DOCK10: variants seen among roughly 807,000 people sequenced by gnomAD.
The protein encoded by DOCK10 is dedicator of cytokinesis protein 10.
Under a neutral mutation model 280.1 loss-of-function variants are expected in DOCK10, and 145 were observed. The observed-to-expected ratio is 0.52, with a 90% CI of 0.45 to 0.59. The LOEUF is 0.59. Ranked by LOEUF, DOCK10 falls within the 20% of genes least tolerant of loss-of-function variation. The probability of loss-of-function intolerance (pLI) is 0.00; values close to 1 mark genes in which losing one functional copy is unlikely to be tolerated. For missense variants in DOCK10, 2,368 were observed against 2,651.7 expected (o/e 0.89, Z 2.35); for synonymous variants, 915 against 942.2 (o/e 0.97, Z 0.53).
chr2:224,964,227 A>C (rs1704604694), intron 1 of DOCK10, among the ~76,000 whole-genome samples: 1 of 152,166 alleles, frequency 6.6e-6, no homozygotes, highest in South Asian at 2.1e-4. Context: ...ACTACAAATA[A>C]TAAGCTGCTG....
At chr2:224,842,809 G>A (rs969117225) in intron 22 of DOCK10, among the ~76,000 whole-genome samples, 12 of 152,168 alleles carry the variant, frequency 7.9e-5, no homozygotes, top group Non-Finnish European at 8.8e-5. Flanking sequence ...CCATTAAGGC[G>A]GGGAGGCCAG....
chr2:224,773,331 G>C lies in DOCK10; in HGVS notation c.6030C>G (p.Pro2010=). The change falls in exon 53 of 56, where the codon CCC becomes CCG. Residue 2010 remains proline, a synonymous_variant. Transcript: ENST00000258390. ...TTACTTGTATTCTCTTCTTCACGTA[G>C]GGGAACAGGTGACTCGCTGTACAAA... ...RTILTTSHLF[P]YVKKRIQVIS... is the part of the protein sequence containing the mutation. 2.5e-6 allele frequency: 4 copies of C among 1,611,806 alleles called. No homozygotes were observed. Among genetic ancestry groups the C allele is most frequent in the Non-Finnish European group, 1.7e-6 (2 of 1,179,012 alleles).
At chr2:224,913,473 A>C (rs1701144381) in intron 3 of DOCK10, among the ~76,000 whole-genome samples, 1 of 152,112 alleles carries the variant, frequency 6.6e-6, no homozygotes, top group African/African-American at 2.4e-5. Context: ...GATTTTGAAT[A>C]CTAGGAATGT....
At chr2:224,877,207 C>A (rs1698681746) in intron 7 of DOCK10, among the ~76,000 whole-genome samples, 1 of 152,204 alleles carries the variant, frequency 6.6e-6, no homozygotes, top group Non-Finnish European at 1.5e-5. Flanking sequence ...CAGTCTAGGA[C>A]AAAGGGACAA....
At chr2:225,030,456 T>A (rs1374821470) in intron 1 of DOCK10, among the ~76,000 whole-genome samples, 1 of 152,194 alleles carries the variant, frequency 6.6e-6, no homozygotes, top group East Asian at 1.9e-4. Flanking sequence ...TCACACTCCT[T>A]GGACTTTAAT....
chr2:225,033,815 T>C (rs1004536453), intron 1 of DOCK10, among the ~76,000 whole-genome samples: 1 of 152,216 alleles, frequency 6.6e-6, no homozygotes, highest in African/African-American at 2.4e-5. Context: ...GTAACAGATG[T>C]AATGTTGCAA....
chr2:224,792,606 G>A (rs1468920913), intron 47 of DOCK10, among the ~76,000 whole-genome samples: 2 of 152,104 alleles, frequency 1.3e-5, no homozygotes, highest in Non-Finnish European at 2.9e-5. Context: ...GGAATAAACA[G>A]TTTTATTACA....
rs901194199 is a variant in DOCK10 at position 224,852,970 on chromosome 2, G to A, written c.2041C>T (p.His681Tyr). 12 of 1,609,048 alleles carry A rather than the reference G, an allele frequency of 7.5e-6. No individual in the cohort carries two copies. The East Asian group carries it at 2.0e-4, about 27-fold the overall frequency. ...YKNQIYIYPK[H>Y]LKYDSQKCFN... ...CATTTCTGGCTATCATACTTGAGGT[G>A]TTTGGGGTAAATATAAATTTGATTT... Residue 681 changes from histidine (H) to tyrosine (Y), a missense_variant, in exon 17 of 56, where the codon CAC (histidine) becomes TAC (tyrosine). Around this residue, in one of 2 missense-constraint regions of DOCK10, gnomAD observed 1,209 missense variants for 1,250.9 expected, o/e 0.97. Coordinates refer to ENST00000258390, the MANE Select transcript of DOCK10 (RefSeq NM_014689.3).
chr2:224,778,578 A>G (rs931628489), intron 50 of DOCK10, among the ~76,000 whole-genome samples: 3 of 152,212 alleles, frequency 2.0e-5, no homozygotes, highest in African/African-American at 7.2e-5. Flanking sequence ...ACCTACTTGC[A>G]TATATTTTGG....
At chr2:224,839,518 G>T (rs1482419291) in intron 24 of DOCK10, among the ~76,000 whole-genome samples, 1 of 152,156 alleles carries the variant, frequency 6.6e-6, no homozygotes, top group East Asian at 1.9e-4. Flanking sequence ...ATACTACTCT[G>T]CAATGAAAAG....
At chr2:224,825,188 C>A (rs190410732) in intron 27 of DOCK10, among the ~76,000 whole-genome samples, 1 of 152,094 alleles carries the variant, frequency 6.6e-6, no homozygotes, top group African/African-American at 2.4e-5. Flanking sequence ...CCATCTTGGC[C>A]AGGCTGGTCT....
At chr2:224,978,932 C>T (rs1484184090) in intron 1 of DOCK10, among the ~76,000 whole-genome samples, 2 of 148,720 alleles carry the variant, frequency 1.3e-5, no homozygotes, top group Admixed American at 6.7e-5. Flanking sequence ...ATAACAAGCA[C>T]AGTCAACTCT....
intron 1 of DOCK10, among the ~76,000 whole-genome samples, chr2:224,992,435 G>A (rs151015210): frequency 2.7e-4 from 41 of 152,306 alleles, no homozygotes; most frequent in Non-Finnish European, 5.4e-4. Context: ...CAGGACTCAG[G>A]GGAGTCGCCC....
At chr2:224,807,850 G>A in intron 32 of DOCK10, 61 bp downstream of exon 32, 1 of 1,575,162 alleles carries the variant, frequency 6.3e-7, no homozygotes, top group Non-Finnish European at 8.7e-7. Flanking sequence ...GGTTTCATAT[G>A]CATTTAATGC....
In DOCK10 at chr2:224,886,080, T is replaced by G. The variant is rs1383669665; in HGVS notation, c.595A>C (p.Asn199His). The part of the protein sequence containing the change: ...YKGNFNSTVN[N>H]TVTVRSFKKR... ...CTCCTTACCCGAACAGTAACGGTGT[T>G]GTTCACGGTGCTGTTAAAATTCCCC... is the stretch of plus-strand genomic sequence containing the variant. The change falls in exon 6 of 56, where the codon AAC becomes CAC. Residue 199 changes from asparagine (N) to histidine (H), a missense_variant. By Grantham distance (68) the Asn-to-His change is moderately conservative (BLOSUM62 1). Coordinates refer to ENST00000258390, the MANE Select transcript of DOCK10 (RefSeq NM_014689.3). The G allele has an allele frequency of 6.2e-7, 1 of 1,613,716 alleles. No individual in the cohort carries two copies. The highest frequency in any genetic ancestry group is 8.5e-7 in the Non-Finnish European group (1 of 1,179,860).
At chr2:224,830,066 A>T (rs957794473) in intron 27 of DOCK10, among the ~76,000 whole-genome samples, 9 of 152,206 alleles carry the variant, frequency 5.9e-5, no homozygotes, top group African/African-American at 2.2e-4. Flanking sequence ...ATTCATGCCA[A>T]GGCTACCCTC....
In DOCK10 at chr2:224,816,691, T is replaced by C; in HGVS notation, c.3290A>G (p.Asp1097Gly). ...DLKTLCQYKF[D>G]FLQEVCQHEH... ...ATGTTGACATACTTCTTGAAGAAAA[T>C]CAAATTTATACTGGCACAAGGTCTG... Residue 1097 changes from aspartate (D) to glycine (G), a missense_variant, in exon 30 of 56, where the codon GAT (aspartate) becomes GGT (glycine). Around this residue, in one of 2 missense-constraint regions of DOCK10, gnomAD observed 1,159 missense variants for 1,400.8 expected, o/e 0.83. Coordinates refer to ENST00000258390, the MANE Select transcript of DOCK10 (RefSeq NM_014689.3). 2 of 1,603,698 alleles carry C rather than the reference T, an allele frequency of 1.2e-6. No individual in the cohort carries two copies.
intron 1 of DOCK10, among the ~76,000 whole-genome samples, chr2:224,989,577 G>A (rs1485465051): frequency 2.0e-5 from 3 of 152,166 alleles, no homozygotes; most frequent in Non-Finnish European, 4.4e-5. Flanking sequence ...TTTGCCCCCA[G>A]TCAGTAAAAC....
chr2:224,843,451 G>T lies in DOCK10; in HGVS notation c.2568+1302C>A, dbSNP rs560465197. 3.3e-5 allele frequency among the ~76,000 whole-genome samples: 5 copies of T among 152,296 alleles called. No individual in the cohort carries two copies. In the South Asian group the frequency reaches 1.0e-3, roughly 32 times the overall value. ...GGGTTTGGTGGAGATTGAGTGTTTT[G>T]TGGAACTTGACCAGGGCTGATGGCA... On this transcript the variant is annotated intron_variant, in intron 22 of 55. Transcript: ENST00000258390.
Sources: gnomAD v4.1 joint callset for allele counts (sites outside exome capture counted in the v4.1 genomes callset) on GRCh38, gnomAD v4.1.1 for gene constraint, gnomAD v4.1.1 regional missense constraint, MANE v1.5 for transcripts, NCBI Gene and HGNC (gene_info 2026-07-23, HGNC 2026-07-21) for gene names.